The following XPO5 variants were observed in gnomAD, a reference collection of about 807,000 sequenced individuals.
XPO5 encodes the protein exportin-5.
XPO5 carries 46 observed loss-of-function variants against 160.6 expected under a neutral mutation model. The ratio of observed to expected loss-of-function variants is 0.29; its 90% CI spans 0.23 to 0.37. XPO5 has a LOEUF of 0.37. Among genes scored for constraint, XPO5 ranks in the 10% least tolerant of loss-of-function variants. The pLI is 1.00. For missense variants in XPO5, 1,090 were observed against 1,463.9 expected, an observed-to-expected ratio of 0.74 and a Z score of 4.17; for synonymous variants, 537 against 519.3, an observed-to-expected ratio of 1.03 and a Z score of -0.46.
intron 5 of XPO5, among the ~76,000 whole-genome samples, chr6:43,569,687 T>C (rs1174118365): frequency 4.0e-5 from 6 of 149,948 alleles, no homozygotes; most frequent in African/African-American, 1.2e-4. Context: ...GAGCCGAGAT[T>C]GTGCCACTGC....
chr6:43,537,573 C>T (rs1353981939), intron 20 of XPO5, among the ~76,000 whole-genome samples: 1 of 152,190 alleles, frequency 6.6e-6, no homozygotes, highest in African/African-American at 2.4e-5. Context: ...CGGAAGTTTA[C>T]TTACAAACAT....
chr6:43,572,599 A>G (rs1763067716), intron 2 of XPO5, 21 bp from the exon 3 acceptor site: 1 of 1,612,822 alleles, frequency 6.2e-7, no homozygotes, highest in Admixed American at 1.7e-5. Flanking sequence ...AAATGCATAA[A>G]GTCAATAGAA....
chr6:43,523,583 C>A lies in XPO5; in HGVS notation c.*285G>T, dbSNP rs1793336165. ...GGGAGGGCTTGTGGGAGAAGGGCTG[C>A]TCTGCTCTAGCTTTTCTTGGAAAAG... On this transcript the variant is annotated 3_prime_UTR_variant, in exon 32 of 32. Transcript: ENST00000265351. The A allele has an allele frequency of 6.6e-6, 4 of 607,862 alleles. No homozygotes were observed. In the Admixed American group the frequency reaches 7.8e-5, roughly 12 times the overall value. The allele number at this position is 607,862 out of a possible 1,614,324, so 37.7% of individuals were successfully genotyped here.
intron 20 of XPO5, among the ~76,000 whole-genome samples, chr6:43,544,447 GATAATC>G (rs1238826086): frequency 6.6e-6 from 1 of 152,112 alleles, no homozygotes; most frequent in African/African-American, 2.4e-5. Context: ...TATAAAAAAA[GATAATC>G]ATACTGTTGT....
At chr6:43,549,197 G>A (rs1466049992) in intron 17 of XPO5, among the ~76,000 whole-genome samples, 1 of 152,040 alleles carries the variant, frequency 6.6e-6, no homozygotes, top group Admixed American at 6.6e-5. Flanking sequence ...GACTAGCTGG[G>A]ATTACAGGCA....
chr6:43,535,230 A>C (rs531989204), intron 20 of XPO5, among the ~76,000 whole-genome samples: 155 of 151,900 alleles, frequency 1.0e-3, no homozygotes, highest in Non-Finnish European at 2.0e-3. Flanking sequence ...ACTGCACTCC[A>C]GCCTGGGCAA....
Position 43,555,969 on chromosome 6 carries a change from C to T in XPO5, c.1313-5G>A. On this transcript the variant is annotated splice_polypyrimidine_tract_variant and splice_region_variant and intron_variant, in intron 12 of 31. Transcript: ENST00000265351. The stretch of plus-strand genomic sequence containing the variant: ...CTCCTTGTTGTGCTCGGGAGGCTGC[C>T]AAGAGAAAATGCCAAGGGAAGGACA... 6.2e-7 allele frequency: 1 copy of T among 1,612,956 alleles called. No individual in the cohort carries two copies. The highest frequency in any genetic ancestry group is 8.5e-7 in the Non-Finnish European group (1 of 1,179,504).
At chr6:43,529,851 G>C (rs546649492) in intron 23 of XPO5, among the ~76,000 whole-genome samples, 1 of 148,694 alleles carries the variant, frequency 6.7e-6, no homozygotes, top group Non-Finnish European at 1.5e-5. Context: ...ACTTGAGCCT[G>C]CACTGAGCTT....
chr6:43,524,811 C>T lies in XPO5; in HGVS notation c.3312+20G>A. 1 of 1,612,332 alleles carries T rather than the reference C, an allele frequency of 6.2e-7. No homozygotes were observed. Among genetic ancestry groups the T allele is most frequent in the Non-Finnish European group, 8.5e-7 (1 of 1,179,640 alleles). ...GTGATGAAGCTGCAGCCATCCTTCC[C>T]CCATGCCTTCCCCACTCACCAGTGC... On this transcript the variant is annotated intron_variant, in intron 30 of 31. Transcript: ENST00000265351.
rs1334500213 is a variant in XPO5 at position 43,575,891 on chromosome 6, C to T, written c.-27G>A. 6.2e-7 allele frequency: 1 copy of T among 1,610,540 alleles called. No homozygotes were observed. The highest frequency in any genetic ancestry group is 8.5e-7 in the Non-Finnish European group (1 of 1,177,522). On this transcript the variant is annotated 5_prime_UTR_variant, in exon 1 of 32. It adds an upstream start codon to the 5' untranslated region. Transcript: ENST00000265351. ...CCTAGCGCCACGCGCCGAGAGCGCACACCACTGCAGTCCCGGGACCACGAG... is the reference window on the plus strand; with the variant it reads ...CCTAGCGCCACGCGCCGAGAGCGCATACCACTGCAGTCCCGGGACCACGAG...
rs1251665279 is a variant in XPO5 at position 43,555,818 on chromosome 6, G to C, written c.1441+18C>G. On this transcript the variant is annotated intron_variant, in intron 13 of 31. Transcript: ENST00000265351. Reference sequence around the variant, plus strand: ...TGTCCTAACATTTCACTAACATTCAGTAATGAAAAAAACTTACAATTCACA... The same window carrying C: ...TGTCCTAACATTTCACTAACATTCACTAATGAAAAAAACTTACAATTCACA... 1.2e-6 allele frequency: 2 copies of C among 1,613,332 alleles called. No homozygotes were observed. The highest frequency in any genetic ancestry group is 1.7e-5 in the Admixed American group (1 of 59,938).
At chr6:43,560,714 C>T (rs553623394) in intron 10 of XPO5, among the ~76,000 whole-genome samples, 5 of 152,208 alleles carry the variant, frequency 3.3e-5, no homozygotes, top group African/African-American at 1.2e-4. Flanking sequence ...CAGAATATTA[C>T]CTAAAGGGAA....
intron 20 of XPO5, among the ~76,000 whole-genome samples, chr6:43,541,707 T>C (rs1017196613): frequency 1.3e-5 from 2 of 152,230 alleles, no homozygotes; most frequent in Admixed American, 6.5e-5. Flanking sequence ...CTTAGCATAA[T>C]GTTTTGAAGG....
In XPO5 at chr6:43,526,691, C is replaced by T. The variant is rs572100932; in HGVS notation, c.2977G>A (p.Gly993Arg). 2 of 1,613,950 alleles carry T rather than the reference C, an allele frequency of 1.2e-6. No individual in the cohort carries two copies. The highest frequency in any genetic ancestry group is 2.2e-5 in the East Asian group (1 of 44,888). Residue 993 changes from glycine (G) to arginine (R), a missense_variant, in exon 27 of 32, where the codon GGA (glycine) becomes AGA (arginine). By Grantham distance (125) the Gly-to-Arg change is moderately radical. Around this residue, in one of 3 missense-constraint regions of XPO5, gnomAD observed 810 missense variants for 1,139.0 expected, o/e 0.71. Coordinates refer to ENST00000265351, the MANE Select transcript of XPO5 (RefSeq NM_020750.3). The part of the protein sequence containing the change: ...ADHSSAPPAD[G>R]DDEEMMATEV... ...GTCTCACAGGCTCACTTACCGTCTC[C>T]ATCTGCTGGGGGAGCACTACTGTGG... is the stretch of plus-strand genomic sequence containing the variant.
intron 28 of XPO5, 93 bp from the exon 29 acceptor site, chr6:43,525,307 T>C: frequency 1.6e-6 from 2 of 1,248,952 alleles, no homozygotes; most frequent in Non-Finnish European, 2.2e-6. Context: ...GTTTTTTTTT[T>C]TTCCTCCCCC....
intron 23 of XPO5, among the ~76,000 whole-genome samples, chr6:43,530,406 G>A (rs191611275): frequency 8.0e-4 from 122 of 151,788 alleles, no homozygotes; most frequent in African/African-American, 2.7e-3. Context: ...GTGCAACAGA[G>A]TGAGCAAGAC....
intron 14 of XPO5, among the ~76,000 whole-genome samples, chr6:43,552,443 C>T (rs1483227230): frequency 6.6e-6 from 1 of 152,124 alleles, no homozygotes; most frequent in Non-Finnish European, 1.5e-5. Flanking sequence ...GCCTCTGCCT[C>T]CTGGGTTCAA....
Position 43,523,580 on chromosome 6 carries a change from C to A in XPO5, c.*288G>T. The A allele has an allele frequency of 1.7e-6, 1 of 595,460 alleles. No individual in the cohort carries two copies. 36.9% of individuals were successfully genotyped at this position (595,460 alleles called of 1,614,324 possible). A position where few individuals can be genotyped will look rare whatever the true frequency, so the allele number is the denominator to read the frequency against. Reference sequence around the variant, plus strand: ...GGTGGGAGGGCTTGTGGGAGAAGGGCTGCTCTGCTCTAGCTTTTCTTGGAA... The same window carrying A: ...GGTGGGAGGGCTTGTGGGAGAAGGGATGCTCTGCTCTAGCTTTTCTTGGAA... On this transcript the variant is annotated 3_prime_UTR_variant, in exon 32 of 32. Transcript: ENST00000265351.
intron 6 of XPO5, 116 bp from the exon 7 acceptor site, chr6:43,567,470 C>G: frequency 1.1e-6 from 1 of 916,408 alleles, no homozygotes; most frequent in Non-Finnish European, 1.6e-6. Flanking sequence ...TAAGAATATA[C>G]TCATGTAACA....
Sources: allele counts gnomAD v4.1 joint callset (sites outside exome capture counted in the v4.1 genomes callset), GRCh38; gene constraint gnomAD v4.1.1; regional missense constraint gnomAD v4.1.1; transcripts MANE v1.5; gene names NCBI Gene and HGNC (gene_info 2026-07-23, HGNC 2026-07-21).